Variants in PRP4K observed in about 807,000 individuals in gnomAD.
PRP4K encodes the protein serine/threonine-protein kinase PRP4 homolog.
At chr6:4,037,910 C>T in the PRP4K span, among the ~76,000 whole-genome samples, 1 of 150,698 alleles carries the variant, frequency 6.6e-6, no homozygotes, top group African/African-American at 2.4e-5. Context: ...AAATATATAG[C>T]CCAGTTTCTT....
the PRP4K span, among the ~76,000 whole-genome samples, chr6:4,027,824 G>C: frequency 4.5e-4 from 68 of 152,266 alleles, 1 homozygote; most frequent in Admixed American, 2.2e-3. Context: ...TAACCACTCA[G>C]CTGTCCTTTG....
At chr6:4,040,997 T>C in the PRP4K span, 1 of 1,435,610 alleles carries the variant, frequency 7.0e-7, no homozygotes, top group Non-Finnish European at 9.5e-7. Flanking sequence ...TGGAAATTGT[T>C]AAATAATATC....
the PRP4K span, chr6:4,037,475 C>A: frequency 9.9e-6 from 16 of 1,613,954 alleles, no homozygotes; most frequent in Non-Finnish European, 1.1e-5. Context: ...GGTCTCCAAC[C>A]CGAAGAAGAA....
chr6:4,049,298 G>T, the PRP4K span: 2 of 562,500 alleles, frequency 3.6e-6, no homozygotes, highest in Non-Finnish European at 6.1e-6. Flanking sequence ...CATCACAAAT[G>T]GAGTGAGGTA....
the PRP4K span, chr6:4,056,775 C>T: frequency 6.6e-4 from 917 of 1,381,330 alleles, 5 homozygotes; most frequent in African/African-American, 0.011. Context: ...CCACCAAAGG[C>T]GAAATGAGAA....
chr6:4,021,306 C>T, the PRP4K span: 5 of 1,371,218 alleles, frequency 3.6e-6, no homozygotes, highest in East Asian at 2.5e-5. Context: ...ACTCAGAACC[C>T]AGCTCTTCCC....
chr6:4,049,220 A>G, the PRP4K span: 2 of 973,782 alleles, frequency 2.1e-6, no homozygotes, highest in African/African-American at 1.7e-5. Context: ...TCACAGTGCC[A>G]TCTTTAAAAA....
chr6:4,064,295 T>C, the PRP4K span: 1 of 152,624 alleles, frequency 6.6e-6, no homozygotes, highest in Non-Finnish European at 1.5e-5. Flanking sequence ...TGTACTGTTT[T>C]ATGGTATGTG....
chr6:4,024,637 C>G, the PRP4K span, among the ~76,000 whole-genome samples: 1 of 151,922 alleles, frequency 6.6e-6, no homozygotes, highest in Non-Finnish European at 1.5e-5. Context: ...GACCGAGTCT[C>G]TGTTGCCCAG....
At chr6:4,038,280 G>C in the PRP4K span, among the ~76,000 whole-genome samples, 1 of 151,518 alleles carries the variant, frequency 6.6e-6, no homozygotes, top group East Asian at 1.9e-4. Flanking sequence ...GGTCAATGAG[G>C]GGTTTTATTT....
chr6:4,033,373 T>A, the PRP4K span, among the ~76,000 whole-genome samples: 6 of 152,280 alleles, frequency 3.9e-5, no homozygotes, highest in Admixed American at 2.0e-4. Flanking sequence ...TTGAATAATA[T>A]ATTGTCTTAG....
At chr6:4,055,066 C>T in the PRP4K span, among the ~76,000 whole-genome samples, 9 of 152,192 alleles carry the variant, frequency 5.9e-5, no homozygotes, top group East Asian at 7.7e-4. Flanking sequence ...TAATGAAAAT[C>T]CAAAGCCTTT....
At chr6:4,060,739 T>A in the PRP4K span, 2 of 865,640 alleles carry the variant, frequency 2.3e-6, no homozygotes, top group Non-Finnish European at 3.5e-6. The surrounding 1 kb of genome is among the most constrained non-coding windows in gnomAD (Gnocchi z 4.7). Flanking sequence ...CATGATATAT[T>A]TGAATTAACA....
At chr6:4,059,560 C>A in the PRP4K span, among the ~76,000 whole-genome samples, 12 of 152,164 alleles carry the variant, frequency 7.9e-5, no homozygotes, top group African/African-American at 2.9e-4. Context: ...CTGTCACTTA[C>A]CACTTCAAGG....
chr6:4,058,847 T>C, the PRP4K span: 1 of 1,511,100 alleles, frequency 6.6e-7, no homozygotes, highest in South Asian at 1.2e-5. Flanking sequence ...GCAATAGTTA[T>C]TTTATTGTTA....
chr6:4,047,370 A>G, the PRP4K span: 1 of 857,188 alleles, frequency 1.2e-6, no homozygotes, highest in Non-Finnish European at 1.8e-6. Flanking sequence ...TGTGGGTGAA[A>G]GGAATCTGAA....
At chr6:4,035,309 T>TG in the PRP4K span, among the ~76,000 whole-genome samples, 1 of 137,986 alleles carries the variant, frequency 7.2e-6, no homozygotes. Context: ...TTTTTTTTTT[T>TG]TTTTTTTTGA....
the PRP4K span, among the ~76,000 whole-genome samples, chr6:4,025,084 C>G: frequency 2.0e-5 from 3 of 152,110 alleles, no homozygotes; most frequent in Admixed American, 6.5e-5. Flanking sequence ...GAATGTTATC[C>G]AATATTCAAT....
At chr6:4,056,881 G>A in the PRP4K span, 2 of 1,076,962 alleles carry the variant, frequency 1.9e-6, no homozygotes, top group Non-Finnish European at 2.6e-6. Context: ...TTAAGAATTA[G>A]TGGGAAAGAA....
Sources: allele counts gnomAD v4.1 joint callset (sites outside exome capture counted in the v4.1 genomes callset), GRCh38; gene constraint gnomAD v4.1.1; non-coding constraint Gnocchi (gnomAD v3.1); transcripts MANE v1.5; gene names NCBI Gene and HGNC (gene_info 2026-07-23, HGNC 2026-07-21).